The following MAP4K3 variants were observed in gnomAD, a reference collection of about 807,000 sequenced individuals.
The protein encoded by MAP4K3 is mitogen-activated protein kinase kinase kinase kinase 3.
In MAP4K3, 94 loss-of-function variants were observed where a neutral mutation model predicts 143.5. The observed-to-expected ratio is 0.65, with a 90% CI of 0.55 to 0.78. The LOEUF (loss-of-function observed/expected upper bound fraction) is 0.78. MAP4K3 is among the 30% of genes least tolerant of loss of function. The pLI is 0.00. For synonymous variants in MAP4K3, 416 were observed against 347.2 expected (o/e 1.20, Z -2.20); for missense variants, 1,077 against 1,068.1 (o/e 1.01, Z -0.12).
intron 1 of MAP4K3, among the ~76,000 whole-genome samples, chr2:39,396,033 T>C (rs1012251553): frequency 1.4e-4 from 22 of 152,072 alleles, no homozygotes; most frequent in Admixed American, 1.1e-3. Flanking sequence ...TTTTTGGGGT[T>C]TTTTGTTTGT....
intron 12 of MAP4K3, among the ~76,000 whole-genome samples, chr2:39,316,259 G>A (rs1221503900): frequency 6.6e-6 from 1 of 151,996 alleles, no homozygotes; most frequent in African/African-American, 2.4e-5. Flanking sequence ...TACTCTGAAT[G>A]TCCAATATAA....
At chr2:39,395,487 TAGAGA>T (rs1558685835) in intron 1 of MAP4K3, among the ~76,000 whole-genome samples, 1 of 152,240 alleles carries the variant, frequency 6.6e-6, no homozygotes. Flanking sequence ...TGTTATACAA[TAGAGA>T]AATTACATAA....
intron 12 of MAP4K3, among the ~76,000 whole-genome samples, chr2:39,315,935 G>A (rs1234215429): frequency 6.6e-6 from 1 of 152,006 alleles, no homozygotes; most frequent in African/African-American, 2.4e-5. Flanking sequence ...TAGGATATTA[G>A]TTTGTGTTTC....
At chr2:39,423,125 C>T (rs1664939408) in intron 1 of MAP4K3, among the ~76,000 whole-genome samples, 1 of 152,062 alleles carries the variant, frequency 6.6e-6, no homozygotes, top group Admixed American at 6.5e-5. Flanking sequence ...TTAACAGACA[C>T]CTTACCAAAA....
chr2:39,426,732 T>A (rs984474880), intron 1 of MAP4K3, among the ~76,000 whole-genome samples: 3 of 152,042 alleles, frequency 2.0e-5, no homozygotes, highest in South Asian at 2.1e-4. Flanking sequence ...AAACTTTTTT[T>A]AAAAAATGAA....
At chr2:39,268,070 T>C (rs933427614) in intron 26 of MAP4K3, among the ~76,000 whole-genome samples, 1 of 152,204 alleles carries the variant, frequency 6.6e-6, no homozygotes, top group African/African-American at 2.4e-5. Context: ...AATTTCTTTT[T>C]TAGAAATCTT....
At position 39,325,930 on chromosome 2, in the gene MAP4K3, GA is replaced by G; in HGVS notation, c.693del (p.Gln232SerfsTer5). 6.3e-7 allele frequency: 1 copy of G among 1,596,428 alleles called. No individual in the cohort carries two copies. The highest frequency in any genetic ancestry group is 8.6e-7 in the Non-Finnish European group (1 of 1,166,604). On this transcript the variant is annotated frameshift_variant, in exon 10 of 34. Transcript: ENST00000263881. LOFTEE classifies it high-confidence loss of function. ...RALFLMTKSN[F>X]QPPKLKDKMK... ...ATTTTATCCTTTAGTTTAGGAGGCT[GA>G]AAATTGCTTTTTGTCATTAGAAATA... is the stretch of plus-strand genomic sequence containing the variant.
intron 24 of MAP4K3, among the ~76,000 whole-genome samples, chr2:39,276,214 C>T (rs1422435320): frequency 6.6e-6 from 1 of 152,088 alleles, no homozygotes; most frequent in Non-Finnish European, 1.5e-5. Flanking sequence ...TCACACATCC[C>T]GAAGGCACCC....
chr2:39,302,035 T>TA (rs1320384704), intron 15 of MAP4K3, among the ~76,000 whole-genome samples: 4 of 147,330 alleles, frequency 2.7e-5, no homozygotes, highest in Admixed American at 6.7e-5. Flanking sequence ...AAAATAATAA[T>TA]AAAAAAAATT....
intron 26 of MAP4K3, among the ~76,000 whole-genome samples, chr2:39,268,423 C>G (rs1680862730): frequency 6.8e-6 from 1 of 147,624 alleles, no homozygotes; most frequent in African/African-American, 2.5e-5. Flanking sequence ...CAGGTTCAAG[C>G]AATCCTCCTG....
At chr2:39,408,636 T>C (rs1157491881) in intron 1 of MAP4K3, among the ~76,000 whole-genome samples, 2 of 47,754 alleles carry the variant, frequency 4.2e-5, no homozygotes, top group South Asian at 1.6e-3. Flanking sequence ...ATTGCAGATA[T>C]GGCAAAAAAA....
chr2:39,339,718 C>T (rs922141584), intron 4 of MAP4K3, among the ~76,000 whole-genome samples: 18 of 152,020 alleles, frequency 1.2e-4, no homozygotes, highest in Non-Finnish European at 2.2e-4. Flanking sequence ...CATGCCTCCT[C>T]TTAGAATTTG....
intron 12 of MAP4K3, among the ~76,000 whole-genome samples, chr2:39,320,867 T>C (rs1383620377): frequency 6.6e-6 from 1 of 152,140 alleles, no homozygotes; most frequent in Non-Finnish European, 1.5e-5. Flanking sequence ...TCTATCTTTG[T>C]GGAAACATAA....
intron 1 of MAP4K3, among the ~76,000 whole-genome samples, chr2:39,411,282 C>T (rs930293211): frequency 2.0e-5 from 3 of 152,132 alleles, no homozygotes; most frequent in African/African-American, 7.2e-5. Flanking sequence ...ACTTCTGACA[C>T]GAAGGCAGAT....
intron 15 of MAP4K3, among the ~76,000 whole-genome samples, chr2:39,301,878 G>A (rs985515078): frequency 4.6e-5 from 7 of 151,946 alleles, no homozygotes; most frequent in Non-Finnish European, 1.0e-4. Context: ...CAAAAGATTA[G>A]CTGGGCGTGG....
At chr2:39,395,914 T>C (rs914937748) in intron 1 of MAP4K3, among the ~76,000 whole-genome samples, 4 of 151,122 alleles carry the variant, frequency 2.6e-5, no homozygotes, top group Non-Finnish European at 4.4e-5. Flanking sequence ...TACAAAAGAC[T>C]AGAGCTGTTA....
chr2:39,319,409 G>C (rs549629170), intron 12 of MAP4K3, among the ~76,000 whole-genome samples: 3 of 152,052 alleles, frequency 2.0e-5, no homozygotes, highest in Non-Finnish European at 4.4e-5. Flanking sequence ...AGATTACTTG[G>C]GGATACAAAA....
intron 1 of MAP4K3, among the ~76,000 whole-genome samples, chr2:39,418,902 A>G (rs974283895): frequency 4.6e-5 from 7 of 152,304 alleles, no homozygotes; most frequent in Middle Eastern, 3.4e-3. Flanking sequence ...CCTGAGACAG[A>G]AAGAGGCATT....
chr2:39,352,184 G>A (rs115664355), intron 3 of MAP4K3, among the ~76,000 whole-genome samples: 5,083 of 152,116 alleles, frequency 0.033, 122 homozygotes, highest in South Asian at 0.053. Context: ...CCAGCTACTC[G>A]GGAGGCTGAG....
Sources: allele counts gnomAD v4.1 joint callset (sites outside exome capture counted in the v4.1 genomes callset), GRCh38; gene constraint gnomAD v4.1.1; transcripts MANE v1.5; gene names NCBI Gene and HGNC (gene_info 2026-07-23, HGNC 2026-07-21).